Variants in AGMO observed in about 807,000 individuals in gnomAD.
AGMO encodes the protein alkylglycerol monooxygenase, also known as glyceryl-ether monooxygenase.
A neutral mutation model predicts 60.2 loss-of-function variants in AGMO; 75 were observed. The observed-to-expected ratio is 1.25, with a 90% CI of 1.03 to 1.51. The LOEUF is 1.51. Among genes scored for constraint, AGMO ranks in the 40% most tolerant of loss-of-function variants. The pLI is 0.00. For missense variants in AGMO, 763 were observed against 525.5 expected, an observed-to-expected ratio of 1.45 and a Z score of -4.42; for synonymous variants, 261 against 177.1, an observed-to-expected ratio of 1.47 and a Z score of -3.76.
At chr7:15,452,468 G>A (rs1316345105) in intron 3 of AGMO, among the ~76,000 whole-genome samples, 1 of 152,098 alleles carries the variant, frequency 6.6e-6, no homozygotes, top group African/African-American at 2.4e-5. Context: ...CAGATGTTCA[G>A]TAAGCACATA....
At chr7:15,177,102 GAA>G in the AGMO span, among the ~76,000 whole-genome samples, 1 of 128,502 alleles carries the variant, frequency 7.8e-6, no homozygotes, top group South Asian at 2.4e-4. Context: ...ATAAGGGGAG[GAA>G]AAAACATGAT....
chr7:15,140,451 G>C, the AGMO span, among the ~76,000 whole-genome samples: 1 of 151,936 alleles, frequency 6.6e-6, no homozygotes, highest in African/African-American at 2.4e-5. Flanking sequence ...AAAATATAGT[G>C]GTAATCTCTT....
At chr7:15,189,259 T>C in the AGMO span, among the ~76,000 whole-genome samples, 1 of 152,018 alleles carries the variant, frequency 6.6e-6, no homozygotes, top group Non-Finnish European at 1.5e-5. Flanking sequence ...ATGGCCTTAT[T>C]ATTAATGAAA....
intron 2 of AGMO, among the ~76,000 whole-genome samples, chr7:15,548,431 G>C (rs1307507687): frequency 6.6e-6 from 1 of 151,584 alleles, no homozygotes; most frequent in Non-Finnish European, 1.5e-5. Context: ...AAATTTAGAA[G>C]AATGTATAAC....
intron 12 of AGMO, among the ~76,000 whole-genome samples, chr7:15,247,665 T>A (rs1183471212): frequency 6.6e-5 from 10 of 152,162 alleles, no homozygotes; most frequent in African/African-American, 2.4e-4. Flanking sequence ...AAAAGGAGCA[T>A]ATTCTGAAAA....
intron 12 of AGMO, among the ~76,000 whole-genome samples, chr7:15,344,134 T>A (rs1341089696): frequency 6.6e-6 from 1 of 152,174 alleles, no homozygotes; most frequent in South Asian, 2.1e-4. Flanking sequence ...TAGAAAATGA[T>A]GCATATTTTT....
chr7:15,262,894 C>G (rs1783315456), intron 12 of AGMO, among the ~76,000 whole-genome samples: 1 of 152,006 alleles, frequency 6.6e-6, no homozygotes, highest in African/African-American at 2.4e-5. Context: ...AAGAATGAAA[C>G]TGGATCCACA....
intron 12 of AGMO, among the ~76,000 whole-genome samples, chr7:15,310,905 T>TC (rs1232878136): frequency 6.6e-6 from 1 of 152,152 alleles, no homozygotes; most frequent in Non-Finnish European, 1.5e-5. Context: ...CTCATGGCCC[T>TC]CTTCCATCTT....
chr7:15,323,624 C>A (rs1387722204), intron 12 of AGMO, among the ~76,000 whole-genome samples: 2 of 152,078 alleles, frequency 1.3e-5, no homozygotes, highest in Non-Finnish European at 2.9e-5. Context: ...CAGAAAATAA[C>A]GCGCTGATTC....
intron 6 of AGMO, among the ~76,000 whole-genome samples, chr7:15,393,338 A>G (rs1017189133): frequency 3.9e-5 from 6 of 152,248 alleles, no homozygotes; most frequent in Admixed American, 2.0e-4. Context: ...TTACTTATGT[A>G]TTCATTTTAC....
At chr7:15,238,987 T>C (rs986825214) in intron 12 of AGMO, among the ~76,000 whole-genome samples, 2 of 152,120 alleles carry the variant, frequency 1.3e-5, no homozygotes, top group African/African-American at 2.4e-5. Flanking sequence ...TTATCCGCCA[T>C]TTTACAGATG....
At chr7:15,544,064 T>C (rs1024692914) in intron 3 of AGMO, among the ~76,000 whole-genome samples, 1 of 152,070 alleles carries the variant, frequency 6.6e-6, no homozygotes, top group Non-Finnish European at 1.5e-5. Flanking sequence ...AATAATGGCA[T>C]TTGCAGCAAC....
chr7:15,297,513 T>G (rs756709517), intron 12 of AGMO, among the ~76,000 whole-genome samples: 65 of 152,310 alleles, frequency 4.3e-4, no homozygotes, highest in Non-Finnish European at 5.7e-4. Flanking sequence ...AAGAAAAAGT[T>G]CAACTCTTTT....
intron 12 of AGMO, among the ~76,000 whole-genome samples, chr7:15,300,279 A>G (rs1312107165): frequency 6.6e-6 from 1 of 152,096 alleles, no homozygotes; most frequent in Non-Finnish European, 1.5e-5. Flanking sequence ...TAAGTCTACT[A>G]AAGTTCACAA....
intron 5 of AGMO, among the ~76,000 whole-genome samples, chr7:15,409,139 A>G (rs1180885907): frequency 6.6e-6 from 1 of 150,770 alleles, no homozygotes; most frequent in African/African-American, 2.5e-5. Flanking sequence ...TTTATTCAGT[A>G]AGCAATAGAA....
chr7:15,200,006 T>C (rs894964997), downstream of AGMO, among the ~76,000 whole-genome samples: 2 of 152,288 alleles, frequency 1.3e-5, no homozygotes, highest in Middle Eastern at 6.8e-3. Flanking sequence ...GATTAAATAA[T>C]GTATTGCTAA....
intron 10 of AGMO, among the ~76,000 whole-genome samples, chr7:15,366,593 C>T (rs1782991383): frequency 6.6e-6 from 1 of 152,050 alleles, no homozygotes; most frequent in Non-Finnish European, 1.5e-5. Flanking sequence ...TTTAGTATAA[C>T]AAAATCTTTG....
At chr7:15,360,454 C>T (rs4455742) in intron 12 of AGMO, among the ~76,000 whole-genome samples, 77,689 of 152,052 alleles carry the variant, frequency 0.51, 20,945 homozygotes, top group African/African-American at 0.71. Context: ...ATTCTGTATG[C>T]TGAATGTATG....
intron 3 of AGMO, among the ~76,000 whole-genome samples, chr7:15,536,962 T>C (rs1215800140): frequency 3.3e-5 from 5 of 152,064 alleles, no homozygotes; most frequent in African/African-American, 1.2e-4. Context: ...TGTGTGCTAA[T>C]GCATCATGCA....
Sources: gnomAD v4.1 joint callset for allele counts (sites outside exome capture counted in the v4.1 genomes callset) on GRCh38, gnomAD v4.1.1 for gene constraint, MANE v1.5 for transcripts, NCBI Gene and HGNC (gene_info 2026-07-23, HGNC 2026-07-21) for gene names.